Variants in MAP6 observed in about 807,000 individuals in gnomAD.
MAP6 encodes the protein microtubule associated protein 6, also known as microtubule-associated protein 6.
A neutral mutation model predicts 42.4 loss-of-function variants in MAP6; 26 were observed. The observed-to-expected ratio is 0.61, with a 90% CI of 0.45 to 0.85. The LOEUF (loss-of-function observed/expected upper bound fraction) is 0.85, where lower values mean the gene tolerates loss of function less well. Among genes scored for constraint, MAP6 ranks in the 40% least tolerant of loss-of-function variants. The pLI is 0.00. For missense variants in MAP6, 966 were observed against 1,099.0 expected, an observed-to-expected ratio of 0.88 and a Z score of 1.71; for synonymous variants, 418 against 443.8, an observed-to-expected ratio of 0.94 and a Z score of 0.73.
In MAP6 at chr11:75,587,727, C is replaced by T. The variant is rs1942386983; in HGVS notation, c.1774G>A (p.Val592Ile). ...GAGACCATGGGACCTTGATCCTTGA[C>T]AGATGCTGAGACCATGGGACCTTCA... Reference protein sequence around the residue: ...KDEGPMVSASVKDQGPMVSAP... With the variant: ...KDEGPMVSASIKDQGPMVSAP... Residue 592 changes from valine (V) to isoleucine (I), a missense_variant, in exon 4 of 4, where the codon GTC (valine) becomes ATC (isoleucine). By Grantham distance (29) the Val-to-Ile change is conservative. This residue lies in a region of MAP6 where 943 missense variants were observed against 1,049.9 expected (regional missense o/e 0.90). Transcript: ENST00000304771. 6.2e-7 allele frequency: 1 copy of T among 1,608,576 alleles called. No homozygotes were observed.
intron 1 of MAP6, among the ~76,000 whole-genome samples, chr11:75,658,211 T>A (rs2135691014): frequency 6.6e-6 from 1 of 152,338 alleles, no homozygotes; most frequent in Non-Finnish European, 1.5e-5. Flanking sequence ...GGTAAATGTA[T>A]GTTTAGCTTG....
intron 1 of MAP6, among the ~76,000 whole-genome samples, chr11:75,635,465 A>G (rs1943353620): frequency 6.6e-6 from 1 of 152,100 alleles, no homozygotes; most frequent in African/African-American, 2.4e-5. Context: ...CAAAAGCCCA[A>G]TTAGGCAAGG....
chr11:75,629,727 A>G (rs1450227796), intron 1 of MAP6, among the ~76,000 whole-genome samples: 1 of 152,174 alleles, frequency 6.6e-6, no homozygotes, highest in Non-Finnish European at 1.5e-5. Flanking sequence ...GTCTGAATGC[A>G]AGTTTGTAAA....
chr11:75,595,182 GC>G (rs1180564861), intron 3 of MAP6, among the ~76,000 whole-genome samples: 5 of 152,342 alleles, frequency 3.3e-5, no homozygotes, highest in African/African-American at 1.2e-4. Flanking sequence ...CGGTGAGGCA[GC>G]CTCCTCCTCA....
At chr11:75,664,688 T>C (rs753290175) in intron 1 of MAP6, among the ~76,000 whole-genome samples, 2 of 152,236 alleles carry the variant, frequency 1.3e-5, no homozygotes, top group Non-Finnish European at 2.9e-5. Context: ...GGTACTTACT[T>C]AAATTCAGAA....
At chr11:75,607,225 G>A in intron 2 of MAP6, 2 of 985,338 alleles carry the variant, frequency 2.0e-6, no homozygotes, top group Non-Finnish European at 2.4e-6. Context: ...CCATAAACTG[G>A]TCCTGGGCCA....
chr11:75,588,427 C>T (rs1041940976), intron 3 of MAP6, among the ~76,000 whole-genome samples: 16 of 152,132 alleles, frequency 1.1e-4, no homozygotes, highest in South Asian at 2.1e-4. Context: ...ATAACCTGCA[C>T]GTGGCACAGG....
chr11:75,619,810 A>T (rs2135610406), intron 1 of MAP6, among the ~76,000 whole-genome samples: 1 of 152,370 alleles, frequency 6.6e-6, no homozygotes, highest in Middle Eastern at 3.4e-3. Flanking sequence ...TCTTTATAAC[A>T]GAATGATTTA....
chr11:75,667,534 C>A lies in MAP6; in HGVS notation c.836G>T (p.Arg279Leu). 1 of 1,493,286 alleles carries A rather than the reference C, an allele frequency of 6.7e-7. No homozygotes were observed. Among genetic ancestry groups the A allele is most frequent in the Non-Finnish European group, 8.9e-7 (1 of 1,129,920 alleles). 92.5% of individuals were successfully genotyped at this position (1,493,286 alleles called of 1,614,324 possible). A position where few individuals can be genotyped will look rare whatever the true frequency, so the allele number is the denominator to read the frequency against. Residue 279 changes from arginine to leucine, a missense_variant, in exon 1 of 4, where the codon CGC becomes CTC. Arg to Leu is a moderately radical substitution (Grantham distance 102, BLOSUM62 -2). Transcript: ENST00000304771. This position sits in a 1 kb window ranked among gnomAD's most constrained non-coding sequence, Gnocchi z 5.6. Reference protein sequence around the residue: ...QATGPEAGRGRAAADALNRQI... With the variant: ...QATGPEAGRGLAAADALNRQI... ...CCGGTTGAGGGCGTCCGCCGCGGCG[C>A]GCCCCCTGCCAGCCTCGGGGCCGGT...
At chr11:75,638,769 A>G (rs1443472645) in intron 1 of MAP6, among the ~76,000 whole-genome samples, 2 of 152,248 alleles carry the variant, frequency 1.3e-5, no homozygotes, top group Non-Finnish European at 2.9e-5. Context: ...AACTAAAAAT[A>G]GAACTATCAC....
At chr11:75,656,244 C>T (rs56397997) in intron 1 of MAP6, among the ~76,000 whole-genome samples, 3 of 152,090 alleles carry the variant, frequency 2.0e-5, no homozygotes, top group East Asian at 1.9e-4. Context: ...CAGTGGAGGA[C>T]GCATTGTTTC....
At chr11:75,642,378 T>C (rs1943486204) in intron 1 of MAP6, among the ~76,000 whole-genome samples, 1 of 152,248 alleles carries the variant, frequency 6.6e-6, no homozygotes, top group South Asian at 2.1e-4. Context: ...GTTGTATCTG[T>C]AGTTGTTACA....
chr11:75,590,255 T>C lies in MAP6; in HGVS notation c.1317-2071A>G, dbSNP rs79173910. 2.6e-4 allele frequency among the ~76,000 whole-genome samples: 40 copies of C among 152,222 alleles called. 1 individual carries two copies. In the East Asian group the frequency reaches 7.7e-3, roughly 29 times the overall value. On this transcript the variant is annotated intron_variant, in intron 3 of 3. Coordinates refer to ENST00000304771, the MANE Select transcript of MAP6 (RefSeq NM_033063.2). ...AATTGATTAGGTGTATTCTCTTAGATTGTGAAGCGACCTGGGTGGTGTCCT... is the reference window on the plus strand; with the variant it reads ...AATTGATTAGGTGTATTCTCTTAGACTGTGAAGCGACCTGGGTGGTGTCCT...
At chr11:75,660,633 A>T (rs1243605751) in intron 1 of MAP6, among the ~76,000 whole-genome samples, 1 of 152,132 alleles carries the variant, frequency 6.6e-6, no homozygotes, top group East Asian at 1.9e-4. Flanking sequence ...ATTTTCTCCA[A>T]ATTATCTCAA....
rs61739609 is a variant in MAP6, at chr11:75,587,785, A to G, written c.1716T>C (p.Asn572=). ...CAGGTGCTGGGACCATAGGAGCTTG[A>G]TTCTTCACAGGCTCAGGAATCCTAG... is the stretch of plus-strand genomic sequence containing the variant. ...QGPRIPEPVK[N]QAPMVPAPVK... is the part of the protein sequence containing the mutation. The change falls in exon 4 of 4, where the codon AAT becomes AAC. Residue 572 remains asparagine (N), a synonymous_variant. Transcript: ENST00000304771. 1,480 of 1,613,542 alleles carry G rather than the reference A, an allele frequency of 9.2e-4. 4 individuals are homozygous for G. In the Middle Eastern group the frequency reaches 0.011, roughly 12 times the overall value.
In MAP6 at chr11:75,652,849, A is replaced by G. The variant is rs200399968; in HGVS notation, c.905+14616T>C. ...GACTCCATCTCAGAAAAAAAAAAAA[A>G]AAGAAGAAAAAAGAAAAATACTGTG... On this transcript the variant is annotated intron_variant, in intron 1 of 3. Transcript: ENST00000304771. Among the ~76,000 whole-genome samples, 38 of 151,946 alleles carry G rather than the reference A, an allele frequency of 2.5e-4. No individual in the cohort carries two copies. In the East Asian group the frequency reaches 5.4e-3, roughly 22 times the overall value.
At chr11:75,641,953 C>A (rs558607687) in intron 1 of MAP6, among the ~76,000 whole-genome samples, 3 of 152,292 alleles carry the variant, frequency 2.0e-5, no homozygotes, top group African/African-American at 7.2e-5. Context: ...AAGAGAGCCA[C>A]AGCTAAATTT....
At chr11:75,618,522 G>A (rs1943043058) in intron 1 of MAP6, among the ~76,000 whole-genome samples, 1 of 152,026 alleles carries the variant, frequency 6.6e-6, no homozygotes, top group Non-Finnish European at 1.5e-5. Flanking sequence ...CAGGAGAGTT[G>A]CTTGAAGCTG....
At chr11:75,644,827 C>A (rs1320003268) in intron 1 of MAP6, among the ~76,000 whole-genome samples, 2 of 152,122 alleles carry the variant, frequency 1.3e-5, no homozygotes, top group Non-Finnish European at 2.9e-5. Flanking sequence ...CCCTCTCCCC[C>A]ACAAAATGCA....
Sources: allele counts gnomAD v4.1 joint callset (sites outside exome capture counted in the v4.1 genomes callset), GRCh38; gene constraint gnomAD v4.1.1; regional missense constraint gnomAD v4.1.1; non-coding constraint Gnocchi (gnomAD v3.1); transcripts MANE v1.5; gene names NCBI Gene and HGNC (gene_info 2026-07-23, HGNC 2026-07-21).